The following ADAMTSL3 variants were observed in gnomAD, a reference collection of about 807,000 sequenced individuals.
The protein encoded by ADAMTSL3 is ADAMTS-like protein 3.
A neutral mutation model predicts 201.7 loss-of-function variants in ADAMTSL3; 128 were observed. That is an observed-to-expected ratio of 0.63 (90% CI 0.55 to 0.73). The LOEUF is 0.73. ADAMTSL3 is among the 30% of genes least tolerant of loss of function. The pLI, the probability that ADAMTSL3 is intolerant of heterozygous loss-of-function variation, is 0.00. For missense variants in ADAMTSL3, 1,990 were observed against 2,119.6 expected, an observed-to-expected ratio of 0.94 and a Z score of 1.20; for synonymous variants, 738 against 748.4, an observed-to-expected ratio of 0.99 and a Z score of 0.23.
intron 4 of ADAMTSL3, among the ~76,000 whole-genome samples, chr15:83,779,849 T>C (rs1596193364): frequency 6.6e-6 from 1 of 152,200 alleles, no homozygotes; most frequent in South Asian, 2.1e-4. Flanking sequence ...ATAATGAATT[T>C]AGGGCAGAAA....
At chr15:83,973,664 A>G (rs963326452) in intron 20 of ADAMTSL3, among the ~76,000 whole-genome samples, 1 of 152,182 alleles carries the variant, frequency 6.6e-6, no homozygotes, top group Non-Finnish European at 1.5e-5. Flanking sequence ...CCATTTCTCT[A>G]TCAATGAACT....
intron 2 of ADAMTSL3, 23 bp downstream of exon 2, chr15:83,655,853 A>G (rs1253343687): frequency 6.2e-7 from 1 of 1,608,070 alleles, no homozygotes; most frequent in East Asian, 2.2e-5. Flanking sequence ...AGGGAGGGGA[A>G]GGGAAATGGT....
intron 23 of ADAMTSL3, among the ~76,000 whole-genome samples, chr15:83,992,361 T>C (rs1375136059): frequency 6.6e-6 from 1 of 152,194 alleles, no homozygotes; most frequent in Admixed American, 6.5e-5. Context: ...ATCCCTGCAG[T>C]GTTTGGCCTA....
chr15:83,699,504 G>A (rs1363264273), intron 2 of ADAMTSL3, among the ~76,000 whole-genome samples: 1 of 152,158 alleles, frequency 6.6e-6, no homozygotes, highest in Non-Finnish European at 1.5e-5. Context: ...TTTCACCTGG[G>A]TTAGTACCAA....
chr15:83,894,863 A>G (rs1381416465), intron 13 of ADAMTSL3, among the ~76,000 whole-genome samples: 1 of 152,162 alleles, frequency 6.6e-6, no homozygotes, highest in Admixed American at 6.5e-5. Flanking sequence ...AGAATAACAC[A>G]TAAAAATTAC....
At chr15:84,034,891 C>T (rs1345663825) in intron 28 of ADAMTSL3, among the ~76,000 whole-genome samples, 2 of 152,168 alleles carry the variant, frequency 1.3e-5, no homozygotes, top group African/African-American at 2.4e-5. Flanking sequence ...ACCATTTCTA[C>T]ACTCATGCTT....
chr15:83,923,767 C>T (rs1198556579), intron 16 of ADAMTSL3, 137 bp from the exon 17 acceptor site: 2 of 1,007,756 alleles, frequency 2.0e-6, no homozygotes, highest in South Asian at 1.8e-5. Context: ...CCAGGTGTAC[C>T]CTGAAATGCA....
intron 7 of ADAMTSL3, among the ~76,000 whole-genome samples, chr15:83,844,866 T>C (rs780567211): frequency 5.9e-5 from 9 of 152,220 alleles, no homozygotes; most frequent in Non-Finnish European, 1.3e-4. Context: ...CTCCCTGGCC[T>C]CTTCATGAAT....
intron 4 of ADAMTSL3, among the ~76,000 whole-genome samples, chr15:83,777,215 T>C (rs1246100598): frequency 6.6e-6 from 1 of 152,148 alleles, no homozygotes; most frequent in African/African-American, 2.4e-5. Flanking sequence ...CCTCTGCCAT[T>C]GTGGTGAATG....
At chr15:83,901,038 C>T (rs1431997737) in intron 15 of ADAMTSL3, among the ~76,000 whole-genome samples, 1 of 152,168 alleles carries the variant, frequency 6.6e-6, no homozygotes, top group Non-Finnish European at 1.5e-5. Context: ...GTGTGGGTTA[C>T]TTTGCTTTGA....
chr15:83,822,458 G>A (rs1353858162), intron 6 of ADAMTSL3, among the ~76,000 whole-genome samples: 2 of 142,818 alleles, frequency 1.4e-5, no homozygotes, highest in Admixed American at 6.8e-5. Flanking sequence ...GCCAGGCGGA[G>A]GGTCTCCTCA....
intron 7 of ADAMTSL3, 111 bp from the exon 8 acceptor site, chr15:83,858,655 G>A (rs889914536): frequency 1.2e-6 from 1 of 811,654 alleles, no homozygotes. Flanking sequence ...TTACAGAAAT[G>A]AAATATAGTT....
intron 3 of ADAMTSL3, among the ~76,000 whole-genome samples, chr15:83,748,649 C>CA (rs71156097): frequency 0.2 from 14,123 of 70,388 alleles, 2,533 homozygotes; most frequent in African/African-American, 0.46. Context: ...GACCCTGTCT[C>CA]AAAAAAAAAA....
rs116077159 is a variant in ADAMTSL3, at chr15:83,710,394, C to T, written c.189+5886C>T. On this transcript the variant is annotated intron_variant, in intron 3 of 29. Transcript: ENST00000286744. Reference sequence around the variant, plus strand: ...CTTGGTTTTCAAATTCTTACTGTCTCTTGCTGCTTTCTGCTACTCATTCTG... The same window carrying T: ...CTTGGTTTTCAAATTCTTACTGTCTTTTGCTGCTTTCTGCTACTCATTCTG... Among the ~76,000 whole-genome samples the T allele has an allele frequency of 3.2e-3, 490 of 152,290 alleles. 4 individuals carry two copies. The highest frequency in any genetic ancestry group is 0.011 in the African/African-American group (464 of 41,562).
intron 25 of ADAMTSL3, among the ~76,000 whole-genome samples, chr15:84,021,045 C>G (rs1335910164): frequency 6.6e-6 from 1 of 152,180 alleles, no homozygotes; most frequent in Non-Finnish European, 1.5e-5. Flanking sequence ...AGGGCATCCC[C>G]TAGAGAGGCC....
rs1567169828 is a variant in ADAMTSL3 at position 83,823,955 on chromosome 15, CT to C, written c.600+3910del. ...TCTTCTTCTTCTTCTTCTTCTTCTT[CT>C]TCTTCTTCTTCTTCTTCTCCTCCTC... On this transcript the variant is annotated intron_variant, in intron 6 of 29. Transcript: ENST00000286744. 5.7e-3 allele frequency among the ~76,000 whole-genome samples: 510 copies of C among 89,486 alleles called. 10 individuals are homozygous for C. The highest frequency in any genetic ancestry group is 8.2e-3 in the East Asian group (20 of 2,430). The allele number at this position is 89,486 out of a possible 152,430, so 58.7% of individuals were successfully genotyped here.
chr15:83,699,718 G>A (rs1266782946), intron 2 of ADAMTSL3, among the ~76,000 whole-genome samples: 1 of 152,176 alleles, frequency 6.6e-6, no homozygotes, highest in Non-Finnish European at 1.5e-5. Flanking sequence ...CCACACTCTA[G>A]TTCTTCCAAT....
chr15:83,870,232 T>C (rs2065057027), intron 8 of ADAMTSL3, among the ~76,000 whole-genome samples: 1 of 152,210 alleles, frequency 6.6e-6, no homozygotes, highest in Non-Finnish European at 1.5e-5. Flanking sequence ...TTGAACTATA[T>C]GCACATATTG....
intron 3 of ADAMTSL3, among the ~76,000 whole-genome samples, chr15:83,752,854 G>T (rs1192251590): frequency 6.6e-6 from 1 of 152,110 alleles, no homozygotes; most frequent in East Asian, 1.9e-4. Context: ...AAATTATAGA[G>T]ACCGTTTGCT....
Sources: gnomAD v4.1 joint callset for allele counts (sites outside exome capture counted in the v4.1 genomes callset) on GRCh38, gnomAD v4.1.1 for gene constraint, MANE v1.5 for transcripts, NCBI Gene and HGNC (gene_info 2026-07-23, HGNC 2026-07-21) for gene names.